MTX2: variants seen among roughly 807,000 people sequenced by gnomAD.
MTX2 encodes the protein metaxin 2, also known as metaxin-2.
MTX2 carries 35 observed loss-of-function variants against 42.3 expected under a neutral mutation model. The ratio of observed to expected loss-of-function variants is 0.83; its 90% CI spans 0.63 to 1.10. The LOEUF (loss-of-function observed/expected upper bound fraction) is 1.10. MTX2 is among the 50% of genes least tolerant of loss of function. The pLI, the probability that MTX2 is intolerant of heterozygous loss-of-function variation, is 0.00. For synonymous variants in MTX2, 119 were observed against 100.9 expected (o/e 1.18, Z -1.08); for missense variants, 307 against 304.1 (o/e 1.01, Z -0.07).
chr2:176,309,323 A>G (rs1684234590), intron 3 of MTX2, among the ~76,000 whole-genome samples: 1 of 152,144 alleles, frequency 6.6e-6, no homozygotes, highest in African/African-American at 2.4e-5. Flanking sequence ...TATGTGGTCA[A>G]TTTTAGAATA....
At position 176,326,862 on chromosome 2, in the gene MTX2, A is replaced by G. The variant is rs944667269; in HGVS notation, c.246A>G (p.Val82=). Residue 82 remains valine, a synonymous_variant, in exon 5 of 10, where the codon GTA becomes GTG. Transcript: ENST00000249442. ...VPFIHVGNQV[V]SELGPIVQFV... is the part of the protein sequence containing the mutation. ...TTATTCATGTGGGAAATCAAGTAGT[A>G]TCAGAACTTGGTCCAATAGTCCAAT... 1.1e-5 allele frequency: 17 copies of G among 1,576,282 alleles called. No homozygotes were observed. The highest frequency in any genetic ancestry group is 1.7e-4 in the Middle Eastern group (1 of 5,960).
rs565319134 is a variant in MTX2, at chr2:176,303,462, C to T, written c.135+5567C>T. On this transcript the variant is annotated intron_variant, in intron 3 of 9. Coordinates refer to ENST00000249442, the MANE Select transcript of MTX2 (RefSeq NM_006554.5). ...TTCCAGACAAGCAAAATGGAGGCTG[C>T]AGATGTTTCTTTGATATCACTGAGT... is the stretch of plus-strand genomic sequence containing the variant. Among the ~76,000 whole-genome samples, 23 of 152,086 alleles carry T rather than the reference C, an allele frequency of 1.5e-4. No homozygotes were observed. In the South Asian group the frequency reaches 4.6e-3, roughly 30 times the overall value.
intron 8 of MTX2, 129 bp from the exon 9 acceptor site, chr2:176,330,455 A>C: frequency 2.0e-6 from 1 of 511,778 alleles, no homozygotes; most frequent in Admixed American, 2.9e-5. Context: ...GGTCTTATTA[A>C]AATATATTAT....
intron 1 of MTX2, among the ~76,000 whole-genome samples, chr2:176,283,251 T>G (rs1693122781): frequency 6.6e-6 from 1 of 152,222 alleles, no homozygotes; most frequent in South Asian, 2.1e-4. Flanking sequence ...CCACCTCCCT[T>G]TTTGTTCTTC....
At chr2:176,293,627 TC>T (rs530002596) in intron 1 of MTX2, among the ~76,000 whole-genome samples, 1 of 151,994 alleles carries the variant, frequency 6.6e-6, no homozygotes, top group East Asian at 1.9e-4. Flanking sequence ...TGACACCTGC[TC>T]CCCCCTTTGC....
At chr2:176,329,882 C>CGTCT (rs35291332) in intron 8 of MTX2, among the ~76,000 whole-genome samples, 83,364 of 148,800 alleles carry the variant, frequency 0.56, 23,446 homozygotes, top group Admixed American at 0.64. Context: ...GTACTTTGTC[C>CGTCT]GTCTGTCTGT....
intron 3 of MTX2, among the ~76,000 whole-genome samples, chr2:176,298,489 A>T (rs1305995755): frequency 6.6e-6 from 1 of 152,122 alleles, no homozygotes; most frequent in Non-Finnish European, 1.5e-5. Flanking sequence ...GTGCCCCTGT[A>T]AACTTTAAGC....
rs1685033085 is a variant in MTX2 at position 176,337,795 on chromosome 2, A to T, written c.*131A>T. On this transcript the variant is annotated 3_prime_UTR_variant, in exon 10 of 10. Coordinates refer to ENST00000249442, the MANE Select transcript of MTX2 (RefSeq NM_006554.5). ...AACCTCAAATTATATAATGTATCTT[A>T]TGTATGTGCTTTATATTGTTATTTG... 1.4e-6 allele frequency: 1 copy of T among 738,076 alleles called. No individual in the cohort carries two copies. The highest frequency in any genetic ancestry group is 2.7e-5 in the East Asian group (1 of 36,924). The allele number at this position is 738,076 out of a possible 1,614,324, so 45.7% of individuals were successfully genotyped here.
At position 176,269,477 on chromosome 2, in the gene MTX2, T is replaced by C. The variant is rs1164096823; in HGVS notation, c.-153T>C. On this transcript the variant is annotated 5_prime_UTR_variant, in exon 1 of 10. Transcript: ENST00000249442. ...AGGCCTGGCGGTAACCTTGGGGGCC[T>C]CACTGCAGCCGCCGCTGCTGTTGGA... is the stretch of plus-strand genomic sequence containing the variant. 1.2e-6 allele frequency: 1 copy of C among 824,106 alleles called. No individual in the cohort carries two copies. The highest frequency in any genetic ancestry group is 3.5e-5 in the Admixed American group (1 of 28,774). 51.0% of individuals were successfully genotyped at this position (824,106 alleles called of 1,614,324 possible).
At chr2:176,319,334 TTTC>T (rs1395245024) in intron 3 of MTX2, among the ~76,000 whole-genome samples, 2 of 152,186 alleles carry the variant, frequency 1.3e-5, no homozygotes, top group Non-Finnish European at 2.9e-5. Flanking sequence ...TCTCCAGTGT[TTTC>T]TTCCATCTTT....
At chr2:176,285,956 T>C (rs1478777529) in intron 1 of MTX2, among the ~76,000 whole-genome samples, 1 of 152,210 alleles carries the variant, frequency 6.6e-6, no homozygotes, top group Non-Finnish European at 1.5e-5. Flanking sequence ...TTTTGAGAAA[T>C]TGCCAAACAT....
chr2:176,334,539 T>C (rs990317884), intron 9 of MTX2, among the ~76,000 whole-genome samples: 3 of 151,828 alleles, frequency 2.0e-5, no homozygotes, highest in Non-Finnish European at 2.9e-5. Context: ...TATGGTGCTG[T>C]TGAGTCTAAG....
intron 9 of MTX2, among the ~76,000 whole-genome samples, chr2:176,335,120 G>A (rs1250681607): frequency 6.6e-6 from 1 of 151,958 alleles, no homozygotes; most frequent in African/African-American, 2.4e-5. Flanking sequence ...GTGACTACAT[G>A]TCCACTTTAA....
intron 6 of MTX2, 124 bp downstream of exon 6, chr2:176,328,509 T>C: frequency 1.6e-6 from 1 of 608,376 alleles, no homozygotes; most frequent in South Asian, 3.6e-5. Flanking sequence ...TAGAGTTGAG[T>C]TGGCTACCTA....
chr2:176,278,158 C>G (rs1295306368), intron 1 of MTX2, among the ~76,000 whole-genome samples: 1 of 140,534 alleles, frequency 7.1e-6, no homozygotes, highest in Non-Finnish European at 1.5e-5. Context: ...TCAAGTGATT[C>G]TCCTGCCTCA....
chr2:176,288,744 T>G (rs554048021), intron 1 of MTX2, among the ~76,000 whole-genome samples: 1 of 151,964 alleles, frequency 6.6e-6, no homozygotes, highest in African/African-American at 2.4e-5. Flanking sequence ...TAGTGCCTAT[T>G]ATTCTGGAAA....
intron 3 of MTX2, among the ~76,000 whole-genome samples, chr2:176,312,949 A>T (rs1276071678): frequency 6.7e-6 from 1 of 148,884 alleles, no homozygotes; most frequent in Non-Finnish European, 1.5e-5. Flanking sequence ...AGAAGTTTTT[A>T]TTTCGGTACA....
chr2:176,314,711 A>G (rs1684396040), intron 3 of MTX2, among the ~76,000 whole-genome samples: 1 of 152,154 alleles, frequency 6.6e-6, no homozygotes, highest in Admixed American at 6.5e-5. Context: ...ATAATTGCTG[A>G]GATTTTAAAG....
rs71409088 is a variant in MTX2, at chr2:176,317,032, CT to C, written c.136-6354del. 1.5e-4 allele frequency among the ~76,000 whole-genome samples: 13 copies of C among 84,422 alleles called. 1 individual carries two copies. Among genetic ancestry groups the C allele is most frequent in the Admixed American group, 1.1e-3 (7 of 6,490 alleles). The allele number at this position is 84,422 out of a possible 152,430, so 55.4% of individuals were successfully genotyped here. A position where few individuals can be genotyped will look rare whatever the true frequency, so the allele number is the denominator to read the frequency against. Reference sequence around the variant, plus strand: ...TGTGTTTTGGATTTTGACTAAGTGTCTTTTTTAAAAAAAAAAAAACAAAAAC... The same window carrying C: ...TGTGTTTTGGATTTTGACTAAGTGTCTTTTTAAAAAAAAAAAAACAAAAAC... On this transcript the variant is annotated intron_variant, in intron 3 of 9. Coordinates refer to ENST00000249442, the MANE Select transcript of MTX2 (RefSeq NM_006554.5).
Sources: gnomAD v4.1 joint callset for allele counts (sites outside exome capture counted in the v4.1 genomes callset) on GRCh38, gnomAD v4.1.1 for gene constraint, MANE v1.5 for transcripts, NCBI Gene and HGNC (gene_info 2026-07-23, HGNC 2026-07-21) for gene names.